BCL11B: variants seen among roughly 807,000 people sequenced by gnomAD.
The protein encoded by BCL11B is B-cell lymphoma/leukemia 11B.
BCL11B carries 8 observed loss-of-function variants against 49.9 expected under a neutral mutation model. That is an observed-to-expected ratio of 0.16 (90% confidence interval 0.09 to 0.29). The LOEUF (loss-of-function observed/expected upper bound fraction) is 0.29. Ranked by LOEUF, BCL11B falls within the 10% of genes least tolerant of loss-of-function variation. BCL11B has a pLI of 1.00. For synonymous variants in BCL11B, 739 were observed against 637.4 expected, an observed-to-expected ratio of 1.16 and a Z score of -2.40; for missense variants, 1,006 against 1,351.0, an observed-to-expected ratio of 0.74 and a Z score of 4.00.
intron 3 of BCL11B, among the ~76,000 whole-genome samples, chr14:99,221,102 TGC>T (rs1887995567): frequency 1.3e-5 from 2 of 152,208 alleles, no homozygotes; most frequent in African/African-American, 4.8e-5. Flanking sequence ...TCCGCCTGCC[TGC>T]CTCAGCCTCC....
rs35001476 is a variant in BCL11B, at chr14:99,261,878, T to TACAC, written c.59-4043_59-4040dup. On this transcript the variant is annotated intron_variant, in intron 1 of 3. Coordinates refer to ENST00000357195, the MANE Select transcript of BCL11B (RefSeq NM_138576.4). ...TAAAGTGCAGGGACAAATCTGTATT[T>TACAC]ACACACACACACACACAAACACACG... Among the ~76,000 whole-genome samples the TACAC allele has an allele frequency of 5.7e-3, 861 of 151,534 alleles. 5 individuals carry two copies. Among genetic ancestry groups the TACAC allele is most frequent in the Middle Eastern group, 0.01 (3 of 294 alleles).
chr14:99,215,141 C>T (rs1595252887), intron 3 of BCL11B, among the ~76,000 whole-genome samples: 1 of 151,600 alleles, frequency 6.6e-6, no homozygotes, highest in Middle Eastern at 3.4e-3. Context: ...CCACGTTCTC[C>T]CTCCCCAGCT....
rs143133825 is a variant in BCL11B at position 99,244,814 on chromosome 14, G to A, written c.427+12657C>T. On this transcript the variant is annotated intron_variant, in intron 2 of 3. Transcript: ENST00000357195. ...TTACTCAAAACGCCATGACGGTGCCGTTTACACAATACTCGCCTTGAGAGC... is the reference window on the plus strand; with the variant it reads ...TTACTCAAAACGCCATGACGGTGCCATTTACACAATACTCGCCTTGAGAGC... Among the ~76,000 whole-genome samples the A allele has an allele frequency of 6.6e-5, 10 of 152,294 alleles. No individual in the cohort carries two copies. In the South Asian group the frequency reaches 1.0e-3, roughly 16 times the overall value.
At chr14:99,200,990 T>C (rs576971006) in intron 3 of BCL11B, among the ~76,000 whole-genome samples, 9 of 152,228 alleles carry the variant, frequency 5.9e-5, no homozygotes, top group Non-Finnish European at 1.2e-4. Flanking sequence ...CTTGGGGAAG[T>C]GGCACAGCCA....
In BCL11B at chr14:99,213,050, C is replaced by T. The variant is rs989508425; in HGVS notation, c.640+18295G>A. Among the ~76,000 whole-genome samples, 14 of 152,212 alleles carry T rather than the reference C, an allele frequency of 9.2e-5. No homozygotes were observed. Among genetic ancestry groups the T allele is most frequent in the African/African-American group, 3.4e-4 (14 of 41,456 alleles). ...CACCTTCACCTGAGCAGGATGCCCA[C>T]CAGGGGAGAGGGGACCCTAGACCCT... is the stretch of plus-strand genomic sequence containing the variant. On this transcript the variant is annotated intron_variant, in intron 3 of 3. Coordinates refer to ENST00000357195, the MANE Select transcript of BCL11B (RefSeq NM_138576.4). This position sits in a 1 kb window ranked among gnomAD's most constrained non-coding sequence, Gnocchi z 5.1.
chr14:99,196,521 C>T (rs1887183953), intron 3 of BCL11B, among the ~76,000 whole-genome samples: 1 of 122,826 alleles, frequency 8.1e-6, no homozygotes, highest in Non-Finnish European at 1.9e-5. Context: ...AAAGCTGTTC[C>T]CAGTGGGTTG....
chr14:99,269,523 C>A (rs369828459), intron 1 of BCL11B, among the ~76,000 whole-genome samples: 1 of 125,842 alleles, frequency 7.9e-6, no homozygotes, highest in African/African-American at 2.5e-5. Flanking sequence ...ATTCCCCCCC[C>A]CCCAAAAAAA....
chr14:99,188,232 A>T (rs1886914053), intron 3 of BCL11B, among the ~76,000 whole-genome samples: 1 of 152,210 alleles, frequency 6.6e-6, no homozygotes, highest in Non-Finnish European at 1.5e-5. Context: ...TTTGTGGAGA[A>T]TGTTTGAATA....
At chr14:99,261,250 C>A (rs936327117) in intron 1 of BCL11B, among the ~76,000 whole-genome samples, 1 of 152,172 alleles carries the variant, frequency 6.6e-6, no homozygotes, top group Non-Finnish European at 1.5e-5. Flanking sequence ...TTGTAGACAC[C>A]CCCAAAGACT....
At chr14:99,176,320 G>A in intron 3 of BCL11B, 125 bp from the exon 4 acceptor site, 1 of 884,476 alleles carries the variant, frequency 1.1e-6, no homozygotes. Flanking sequence ...TGCCCTGCCT[G>A]ACAGGGGCTG....
At chr14:99,267,202 A>G (rs1889507888) in intron 1 of BCL11B, among the ~76,000 whole-genome samples, 1 of 152,130 alleles carries the variant, frequency 6.6e-6, no homozygotes, top group Non-Finnish European at 1.5e-5. Context: ...GTTTTCTGTT[A>G]TGAAATATTT....
intron 2 of BCL11B, among the ~76,000 whole-genome samples, chr14:99,244,336 TA>T (rs1888762497): frequency 6.6e-6 from 1 of 151,118 alleles, no homozygotes; most frequent in Non-Finnish European, 1.5e-5. Context: ...CCAAAAATCC[TA>T]AAATGTACAT....
chr14:99,231,303 C>T lies in BCL11B; in HGVS notation c.640+42G>A. 3 of 1,589,310 alleles carry T rather than the reference C, an allele frequency of 1.9e-6. No individual in the cohort carries two copies. The highest frequency in any genetic ancestry group is 2.6e-6 in the Non-Finnish European group (3 of 1,168,314). ...CCAGCGCTGCCCATGGCACACCCCG[C>T]CATCCCGGGGGCCCGCCCCCCACCG... On this transcript the variant is annotated intron_variant, in intron 3 of 3. Transcript: ENST00000357195. The surrounding 1 kb of genome is among the most constrained non-coding windows in gnomAD (Gnocchi z 8.1).
rs1341524263 is a variant in BCL11B at position 99,170,261 on chromosome 14, C to G, written c.*3890G>C. 3 of 220,296 alleles carry G rather than the reference C, an allele frequency of 1.4e-5. No homozygotes were observed. The highest frequency in any genetic ancestry group is 6.7e-5 in the African/African-American group (3 of 44,530). The allele number at this position is 220,296 out of a possible 1,614,324, so 13.6% of individuals were successfully genotyped here. ...AGCTTTCTCTCCCATTCCCTCCCCC[C>G]TTTTTTTTAACTTTGCAAAGGTAAG... On this transcript the variant is annotated 3_prime_UTR_variant, in exon 4 of 4. Transcript: ENST00000357195.
chr14:99,180,187 A>G lies in BCL11B; in HGVS notation c.641-3992T>C, dbSNP rs189921615. ...GGTGACAACTTTATGCTAGCGGCCC[A>G]GACAGGCTGCTGAGATTCCCACTGA... On this transcript the variant is annotated intron_variant, in intron 3 of 3. Transcript: ENST00000357195. 5.8e-4 allele frequency among the ~76,000 whole-genome samples: 89 copies of G among 152,270 alleles called. 2 individuals carry two copies. The East Asian group carries it at 0.016, about 27-fold the overall frequency.
At chr14:99,191,235 A>G (rs1595231041) in intron 3 of BCL11B, among the ~76,000 whole-genome samples, 1 of 151,984 alleles carries the variant, frequency 6.6e-6, no homozygotes, top group South Asian at 2.1e-4. Context: ...TGCTACTGGC[A>G]TCTAGTGGGG....
At position 99,248,849 on chromosome 14, in the gene BCL11B, C is replaced by G. The variant is rs1444799321; in HGVS notation, c.427+8622G>C. Among the ~76,000 whole-genome samples, 1 of 152,190 alleles carries G rather than the reference C, an allele frequency of 6.6e-6. No individual in the cohort carries two copies. The highest frequency in any genetic ancestry group is 1.5e-5 in the Non-Finnish European group (1 of 68,036). On this transcript the variant is annotated intron_variant, in intron 2 of 3. Coordinates refer to ENST00000357195, the MANE Select transcript of BCL11B (RefSeq NM_138576.4). This position sits in a 1 kb window ranked among gnomAD's most constrained non-coding sequence, Gnocchi z 4.7. ...CCATCTCACATTTCAGCCCAGCAGG[C>G]TCAGCCCCAGAGACGGGGAAGATCT...
At position 99,172,358 on chromosome 14, in the gene BCL11B, T is replaced by C. The variant is rs373874758; in HGVS notation, c.*1793A>G. The C allele has an allele frequency of 4.0e-5, 9 of 223,194 alleles. No individual in the cohort carries two copies. Among genetic ancestry groups the C allele is most frequent in the Admixed American group, 2.3e-4 (4 of 17,418 alleles). 13.8% of individuals were successfully genotyped at this position (223,194 alleles called of 1,614,324 possible). Reference sequence around the variant, plus strand: ...GTGCTGGGTTTATTTCTTCATTTGATTGGGTCTTATGGCATTTCATATCCT... The same window carrying C: ...GTGCTGGGTTTATTTCTTCATTTGACTGGGTCTTATGGCATTTCATATCCT... On this transcript the variant is annotated 3_prime_UTR_variant, in exon 4 of 4. Coordinates refer to ENST00000357195, the MANE Select transcript of BCL11B (RefSeq NM_138576.4).
intron 3 of BCL11B, among the ~76,000 whole-genome samples, chr14:99,229,345 T>C (rs1257441803): frequency 6.6e-6 from 1 of 152,058 alleles, no homozygotes; most frequent in African/African-American, 2.4e-5. Context: ...GTGGCATGTA[T>C]GAGGACTTGC....
Sources: allele counts gnomAD v4.1 joint callset (sites outside exome capture counted in the v4.1 genomes callset), GRCh38; gene constraint gnomAD v4.1.1; non-coding constraint Gnocchi (gnomAD v3.1); transcripts MANE v1.5; gene names NCBI Gene and HGNC (gene_info 2026-07-23, HGNC 2026-07-21).